TENM3: variants seen among roughly 807,000 people sequenced by gnomAD.
TENM3 encodes teneurin transmembrane protein 3, also known as teneurin-3.
In TENM3, 63 loss-of-function variants were observed where a neutral mutation model predicts 255.1. The ratio of observed to expected loss-of-function variants is 0.25; its 90% confidence interval spans 0.20 to 0.30. The LOEUF (loss-of-function observed/expected upper bound fraction) is 0.30, where lower values mean the gene tolerates loss of function less well. Ranked by LOEUF, TENM3 falls within the 10% of genes least tolerant of loss-of-function variation. The pLI is 1.00. For synonymous variants in TENM3, 1,306 were observed against 1,322.3 expected, an observed-to-expected ratio of 0.99 and a Z score of 0.27; for missense variants, 2,929 against 3,461.1, an observed-to-expected ratio of 0.85 and a Z score of 3.86.
intron 1 of TENM3, among the ~76,000 whole-genome samples, chr4:182,265,333 G>C (rs966434187): frequency 6.6e-6 from 1 of 152,086 alleles, no homozygotes; most frequent in African/African-American, 2.4e-5. Context: ...CATGTTCTTG[G>C]CTACCTGGAA....
chr4:182,596,136 A>C (rs1400423503), intron 3 of TENM3, among the ~76,000 whole-genome samples: 1 of 152,194 alleles, frequency 6.6e-6, no homozygotes, highest in East Asian at 1.9e-4. Context: ...AAGATCCAAA[A>C]AAATTTGAGT....
intron 6 of TENM3, among the ~76,000 whole-genome samples, chr4:182,665,968 A>G (rs534784182): frequency 6.6e-6 from 1 of 152,302 alleles, no homozygotes; most frequent in South Asian, 2.1e-4. Context: ...ATTCATGGGA[A>G]GAGGTCAAAA....
the TENM3 span, among the ~76,000 whole-genome samples, chr4:181,756,706 C>G: frequency 6.6e-6 from 1 of 152,194 alleles, no homozygotes; most frequent in African/African-American, 2.4e-5. Flanking sequence ...GGCTAACAAC[C>G]AGCAAAGTTT....
intron 3 of TENM3, chr4:182,448,888 C>T: frequency 4.2e-6 from 1 of 237,784 alleles, no homozygotes; most frequent in South Asian, 4.1e-5. Flanking sequence ...GGCGGCCCGG[C>T]GCGAAGGGGT....
At chr4:181,727,576 G>T in the TENM3 span, among the ~76,000 whole-genome samples, 1 of 152,118 alleles carries the variant, frequency 6.6e-6, no homozygotes, top group African/African-American at 2.4e-5. Context: ...CTGTTGAAGA[G>T]CATACATTTC....
rs70956512 is a variant in TENM3 at position 182,432,849 on chromosome 4, G to GGTGTGTGTGTGTGTGTGTGTGTGT, written c.511+85936_511+85937insGTGTGTGTGTGTGTGTGTGTGTGT. ...AATTTTTCATCAGGGAATGGATTTG[G>GGTGTGTGTGTGTGTGTGTGTGTGT]GTGTGTGTGTGTGTGTTTTAGTAGA... On this transcript the variant is annotated intron_variant, in intron 3 of 27. Transcript: ENST00000511685. 6.7e-3 allele frequency among the ~76,000 whole-genome samples: 958 copies of GGTGTGTGTGTGTGTGTGTGTGTGT among 143,064 alleles called. 13 individuals carry two copies. The highest frequency in any genetic ancestry group is 0.026 in the East Asian group (127 of 4,846). The allele number at this position is 143,064 out of a possible 152,430, so 93.9% of individuals were successfully genotyped here. A position where few individuals can be genotyped will look rare whatever the true frequency, so the allele number is the denominator to read the frequency against.
the TENM3 span, among the ~76,000 whole-genome samples, chr4:181,643,209 C>G: frequency 2.0e-5 from 3 of 152,122 alleles, no homozygotes; most frequent in Admixed American, 2.0e-4. Context: ...TTGTAGTTCT[C>G]CCTGAAGAGG....
chr4:182,595,090 A>G (rs574976538), intron 3 of TENM3, among the ~76,000 whole-genome samples: 1 of 152,314 alleles, frequency 6.6e-6, no homozygotes, highest in South Asian at 2.1e-4. Flanking sequence ...AGCACTATCA[A>G]ATAAGTGAGG....
the TENM3 span, among the ~76,000 whole-genome samples, chr4:181,663,687 G>T: frequency 1.3e-5 from 2 of 152,168 alleles, no homozygotes; most frequent in Non-Finnish European, 2.9e-5. Context: ...TCTGAGTGAG[G>T]TTTGACACCA....
intron 19 of TENM3, among the ~76,000 whole-genome samples, chr4:182,750,903 A>T (rs2152747522): frequency 6.6e-6 from 1 of 152,350 alleles, no homozygotes; most frequent in Admixed American, 6.5e-5. Context: ...GTACAAGATT[A>T]CATTAATTTT....
rs140397299 is a variant in TENM3, at chr4:182,245,563, T to A, written c.-76+2087T>A. Among the ~76,000 whole-genome samples the A allele has an allele frequency of 9.9e-5, 15 of 152,280 alleles. No homozygotes were observed. The East Asian group carries it at 2.9e-3, about 29-fold the overall frequency. ...GTCGTGGCCCAGTTTGGGTCTCTGT[T>A]TAGCAACTGTGGTCTGTTTGAACTG... On this transcript the variant is annotated intron_variant, in intron 1 of 27. Coordinates refer to ENST00000511685, the MANE Select transcript of TENM3 (RefSeq NM_001080477.4).
the TENM3 span, among the ~76,000 whole-genome samples, chr4:181,754,986 A>C: frequency 6.6e-6 from 1 of 152,126 alleles, no homozygotes; most frequent in African/African-American, 2.4e-5. Context: ...GTCAGCTCTC[A>C]AGGGCAAACA....
At chr4:181,943,703 A>G in the TENM3 span, among the ~76,000 whole-genome samples, 1 of 152,200 alleles carries the variant, frequency 6.6e-6, no homozygotes, top group African/African-American at 2.4e-5. Context: ...CACAGACCGT[A>G]GAAGCAATTG....
At chr4:182,607,928 G>A (rs568037128) in intron 4 of TENM3, among the ~76,000 whole-genome samples, 5 of 152,130 alleles carry the variant, frequency 3.3e-5, no homozygotes, top group South Asian at 4.2e-4. Flanking sequence ...TTTTTTGAAC[G>A]TGAACAGTGT....
the TENM3 span, among the ~76,000 whole-genome samples, chr4:182,053,991 A>C: frequency 1.3e-5 from 2 of 152,180 alleles, no homozygotes; most frequent in South Asian, 4.1e-4. Flanking sequence ...TTGAAGACAT[A>C]AGATGATCAA....
intron 3 of TENM3, among the ~76,000 whole-genome samples, chr4:182,529,284 A>G (rs887836617): frequency 1.3e-5 from 2 of 152,218 alleles, no homozygotes; most frequent in African/African-American, 4.8e-5. Flanking sequence ...ACCAAAATGT[A>G]TCACTTGGTC....
chr4:182,581,642 C>T (rs770153957), intron 3 of TENM3, among the ~76,000 whole-genome samples: 6 of 152,138 alleles, frequency 3.9e-5, no homozygotes, highest in South Asian at 4.2e-4. Context: ...GAGGCTGAGG[C>T]GGGAGAATCT....
At chr4:182,721,847 A>C (rs145219226) in intron 13 of TENM3, among the ~76,000 whole-genome samples, 1 of 152,036 alleles carries the variant, frequency 6.6e-6, no homozygotes, top group East Asian at 1.9e-4. Context: ...GATGATCTTT[A>C]TATTTATTTC....
chr4:182,282,302 G>A (rs1048341583), intron 1 of TENM3, among the ~76,000 whole-genome samples: 5 of 152,140 alleles, frequency 3.3e-5, no homozygotes, highest in East Asian at 1.9e-4. Context: ...TTATTTCAAG[G>A]ACAGTAGTGA....
Sources: gnomAD v4.1 joint callset for allele counts (sites outside exome capture counted in the v4.1 genomes callset) on GRCh38, gnomAD v4.1.1 for gene constraint, MANE v1.5 for transcripts, NCBI Gene and HGNC (gene_info 2026-07-23, HGNC 2026-07-21) for gene names.